Variants in PPP1R9A observed in about 807,000 individuals in gnomAD.
PPP1R9A encodes neurabin-1.
Under a neutral mutation model 141.9 loss-of-function variants are expected in PPP1R9A, and 59 were observed. The ratio of observed to expected loss-of-function variants is 0.42; its 90% CI spans 0.34 to 0.52. The LOEUF (loss-of-function observed/expected upper bound fraction) is 0.52, where lower values mean the gene tolerates loss of function less well. Among genes scored for constraint, PPP1R9A ranks in the 20% least tolerant of loss-of-function variants. The pLI is 0.10. For synonymous variants in PPP1R9A, 500 were observed against 569.7 expected (o/e 0.88, Z 1.74); for missense variants, 1,444 against 1,611.9 (o/e 0.90, Z 1.78).
chr7:95,168,741 A>C (rs1449940127), intron 5 of PPP1R9A, among the ~76,000 whole-genome samples: 1 of 152,152 alleles, frequency 6.6e-6, no homozygotes, highest in Non-Finnish European at 1.5e-5. Flanking sequence ...ATGAATAGAC[A>C]TTTCTCAAAA....
intron 12 of PPP1R9A, among the ~76,000 whole-genome samples, chr7:95,261,750 T>C (rs1435946050): frequency 1.3e-5 from 2 of 152,196 alleles, no homozygotes; most frequent in South Asian, 2.1e-4. Flanking sequence ...CATTTACAAA[T>C]TTGATATATT....
intron 5 of PPP1R9A, among the ~76,000 whole-genome samples, chr7:95,195,055 G>A (rs1294268472): frequency 6.6e-6 from 1 of 152,096 alleles, no homozygotes; most frequent in East Asian, 1.9e-4. Context: ...ATAGTAATCA[G>A]AGAAGTGTGT....
rs149859914 is a variant in PPP1R9A at position 95,093,785 on chromosome 7, C to A, written c.1396-17474C>A. ...TTAAGTCATGTCTTCTAGAATACAG[C>A]CTGAACTATGCATAAGACTTCTTTG... On this transcript the variant is annotated intron_variant, in intron 2 of 19. Transcript: ENST00000433360. Among the ~76,000 whole-genome samples, 292 of 152,120 alleles carry A rather than the reference C, an allele frequency of 1.9e-3. 2 individuals carry two copies. The highest frequency in any genetic ancestry group is 6.6e-3 in the African/African-American group (273 of 41,506).
At chr7:95,234,047 A>G (rs1796341634) in intron 8 of PPP1R9A, among the ~76,000 whole-genome samples, 1 of 152,186 alleles carries the variant, frequency 6.6e-6, no homozygotes. Context: ...AATAAAAGCC[A>G]TCTATGACAG....
chr7:95,106,956 A>G (rs1386969397), intron 2 of PPP1R9A, among the ~76,000 whole-genome samples: 2 of 151,890 alleles, frequency 1.3e-5, no homozygotes, highest in Non-Finnish European at 2.9e-5. Flanking sequence ...TAATTGTTGT[A>G]TTTTTAGTAG....
intron 5 of PPP1R9A, among the ~76,000 whole-genome samples, chr7:95,174,338 T>C (rs966667623): frequency 7.9e-5 from 12 of 152,126 alleles, no homozygotes; most frequent in African/African-American, 2.7e-4. Context: ...ATAGCAGATC[T>C]ATGATTGCTC....
At chr7:95,196,095 G>A (rs111973068) in intron 5 of PPP1R9A, among the ~76,000 whole-genome samples, 4 of 143,998 alleles carry the variant, frequency 2.8e-5, no homozygotes, top group African/African-American at 1.0e-4. Context: ...GTGTGTGTAT[G>A]TGTATTTTTG....
rs747331187 is a variant in PPP1R9A at position 95,247,522 on chromosome 7, C to G, written c.2162C>G (p.Thr721Ser). The change falls in exon 9 of 20, where the codon ACC becomes AGC. Residue 721 changes from threonine to serine, a missense_variant. Physicochemically the swap from Thr to Ser is moderately conservative, Grantham distance 58. Transcript: ENST00000433360. Reference sequence around the variant, plus strand: ...GAAGCAGAGATTCAAAAATTGAAGACCAAGGTAAGCACCGAAACATGGTGT... The same window carrying G: ...GAAGCAGAGATTCAAAAATTGAAGAGCAAGGTAAGCACCGAAACATGGTGT... ...VTEAEIQKLK[T>S]KLQAAENEKV... The G allele has an allele frequency of 3.1e-6, 5 of 1,606,028 alleles. No homozygotes were observed. The highest frequency in any genetic ancestry group is 4.3e-6 in the Non-Finnish European group (5 of 1,174,468).
chr7:95,192,880 A>G (rs1457864281), intron 5 of PPP1R9A, among the ~76,000 whole-genome samples: 2 of 152,128 alleles, frequency 1.3e-5, no homozygotes, highest in African/African-American at 4.8e-5. Flanking sequence ...ATAATCTTAC[A>G]GGACATATTT....
Position 95,215,799 on chromosome 7 carries a change from G to A in PPP1R9A, c.1957-10162G>A, listed in dbSNP as rs532175485. ...TGAGAAGTGTATGTTCATATCCTTCGCCCACTTTTTGATGGGGTTGTTTGT... is the reference window on the plus strand; with the variant it reads ...TGAGAAGTGTATGTTCATATCCTTCACCCACTTTTTGATGGGGTTGTTTGT... On this transcript the variant is annotated intron_variant, in intron 7 of 19. Transcript: ENST00000433360. Among the ~76,000 whole-genome samples the A allele has an allele frequency of 1.6e-4, 25 of 152,158 alleles. No individual in the cohort carries two copies. In the South Asian group the frequency reaches 2.9e-3, roughly 18 times the overall value.
intron 3 of PPP1R9A, among the ~76,000 whole-genome samples, chr7:95,117,132 C>T (rs17166660): frequency 0.021 from 3,149 of 152,144 alleles, 138 homozygotes; most frequent in African/African-American, 0.072. Context: ...AGAAAATAAG[C>T]TTTGGGCTCC....
chr7:95,178,797 G>T (rs1585099482), intron 5 of PPP1R9A, among the ~76,000 whole-genome samples: 1 of 152,084 alleles, frequency 6.6e-6, no homozygotes, highest in Admixed American at 6.6e-5. Flanking sequence ...TAAATTCTTT[G>T]TAAGATACAA....
At chr7:95,199,083 T>C (rs1378581232) in intron 6 of PPP1R9A, among the ~76,000 whole-genome samples, 1 of 152,218 alleles carries the variant, frequency 6.6e-6, no homozygotes, top group Non-Finnish European at 1.5e-5. Context: ...TTTTACATCC[T>C]GCTTTCTGTA....
chr7:94,962,186 T>A (rs1364028566), intron 2 of PPP1R9A, among the ~76,000 whole-genome samples: 2 of 152,000 alleles, frequency 1.3e-5, no homozygotes, highest in African/African-American at 4.8e-5. Context: ...CATCCTCACA[T>A]TAACTCATGG....
intron 3 of PPP1R9A, among the ~76,000 whole-genome samples, chr7:95,113,156 A>G (rs1820865034): frequency 6.6e-6 from 1 of 152,220 alleles, no homozygotes; most frequent in African/African-American, 2.4e-5. Flanking sequence ...TTTCACCGGA[A>G]GAATTGAAAA....
intron 2 of PPP1R9A, among the ~76,000 whole-genome samples, chr7:95,085,283 CAA>C (rs764988974): frequency 6.6e-6 from 1 of 151,740 alleles, no homozygotes; most frequent in Admixed American, 6.6e-5. Flanking sequence ...AAGAGGAAAA[CAA>C]GAGATGAGAT....
At chr7:94,941,296 T>C (rs935830710) in intron 2 of PPP1R9A, among the ~76,000 whole-genome samples, 2 of 152,066 alleles carry the variant, frequency 1.3e-5, no homozygotes, top group African/African-American at 4.8e-5. Flanking sequence ...GGTGCTGTGA[T>C]GAGAGTATGT....
At chr7:95,094,179 T>C (rs1327723598) in intron 2 of PPP1R9A, among the ~76,000 whole-genome samples, 1 of 152,178 alleles carries the variant, frequency 6.6e-6, no homozygotes, top group African/African-American at 2.4e-5. Flanking sequence ...AGAGTAGTGC[T>C]AAGTGAAGGC....
intron 5 of PPP1R9A, among the ~76,000 whole-genome samples, chr7:95,181,585 A>C (rs1318767869): frequency 7.1e-6 from 1 of 139,888 alleles, no homozygotes; most frequent in Non-Finnish European, 1.5e-5. Context: ...TCCATCACAT[A>C]TATATAGAAT....
Sources: allele counts gnomAD v4.1 joint callset (sites outside exome capture counted in the v4.1 genomes callset), GRCh38; gene constraint gnomAD v4.1.1; transcripts MANE v1.5; gene names NCBI Gene and HGNC (gene_info 2026-07-23, HGNC 2026-07-21).